The following SPATA17 variants were observed in gnomAD, a reference collection of about 807,000 sequenced individuals.
SPATA17 encodes the protein spermatogenesis associated 17, also known as spermatogenesis-associated protein 17.
In SPATA17, 53 loss-of-function variants were observed where a neutral mutation model predicts 62.2. The observed-to-expected ratio is 0.85, with a 90% CI of 0.68 to 1.07. SPATA17 has a LOEUF of 1.07. SPATA17 is among the 50% of genes least tolerant of loss of function. SPATA17 has a pLI of 0.00. For missense variants in SPATA17, 466 were observed against 425.5 expected (o/e 1.10, Z -0.84); for synonymous variants, 146 against 146.8 (o/e 0.99, Z 0.04).
Position 217,648,970 on chromosome 1 carries a change from A to G in SPATA17, c.157A>G (p.Arg53Gly), listed in dbSNP as rs1404330862. ...FRGCQVRAYIRHLNRIVTIIQ... is the reference protein window; with the variant it reads ...FRGCQVRAYIGHLNRIVTIIQ... Reference sequence around the variant, plus strand: ...AGGATGTCAAGTTCGGGCATATATCAGGTATATTGCTTTTGTCATGGAAAC... The same window carrying G: ...AGGATGTCAAGTTCGGGCATATATCGGGTATATTGCTTTTGTCATGGAAAC... The change falls in exon 2 of 11, where the codon AGG (arginine) becomes GGG (glycine). Residue 53 changes from arginine to glycine, a missense_variant and splice_region_variant. Physicochemically the swap from Arg to Gly is moderately radical, Grantham distance 125. Coordinates refer to ENST00000366933, the MANE Select transcript of SPATA17 (RefSeq NM_138796.4). 1.3e-5 allele frequency: 21 copies of G among 1,600,534 alleles called. No individual in the cohort carries two copies. The highest frequency in any genetic ancestry group is 1.4e-5 in the Non-Finnish European group (17 of 1,173,788).
intron 6 of SPATA17, among the ~76,000 whole-genome samples, chr1:217,758,244 G>A (rs903273266): frequency 1.3e-5 from 2 of 152,052 alleles, no homozygotes; most frequent in South Asian, 2.1e-4. Flanking sequence ...GACACAAAGA[G>A]ATTAATAAGT....
intron 1 of SPATA17, among the ~76,000 whole-genome samples, chr1:217,641,048 G>A (rs891267901): frequency 3.9e-5 from 6 of 152,002 alleles, no homozygotes; most frequent in Non-Finnish European, 7.4e-5. Context: ...TAGATAAATG[G>A]AGAAAGTTTG....
chr1:217,726,094 G>T (rs1271443721), intron 5 of SPATA17, among the ~76,000 whole-genome samples: 1 of 152,076 alleles, frequency 6.6e-6, no homozygotes, highest in Non-Finnish European at 1.5e-5. Flanking sequence ...AAAAATTCTT[G>T]TACTCTGCTA....
chr1:217,830,009 A>T (rs1487143690), intron 9 of SPATA17, among the ~76,000 whole-genome samples: 1 of 152,074 alleles, frequency 6.6e-6, no homozygotes, highest in Non-Finnish European at 1.5e-5. Flanking sequence ...ATCTATATGT[A>T]TCCCCTAAAC....
rs1644905436 is a variant in SPATA17 at position 217,709,781 on chromosome 1, T to A, written c.395+26420T>A. 2.6e-5 allele frequency among the ~76,000 whole-genome samples: 4 copies of A among 152,326 alleles called. No individual in the cohort carries two copies. The South Asian group carries it at 8.3e-4, about 32-fold the overall frequency. ...AAAAACCATGTTGATTTTCAGCATTTTGCCTAGGATAAAAGTTACTTTACC... is the reference window on the plus strand; with the variant it reads ...AAAAACCATGTTGATTTTCAGCATTATGCCTAGGATAAAAGTTACTTTACC... On this transcript the variant is annotated intron_variant, in intron 5 of 10. Coordinates refer to ENST00000366933, the MANE Select transcript of SPATA17 (RefSeq NM_138796.4).
chr1:217,795,984 G>T (rs756635451), intron 8 of SPATA17, among the ~76,000 whole-genome samples: 20 of 151,872 alleles, frequency 1.3e-4, no homozygotes, highest in Non-Finnish European at 2.6e-4. Flanking sequence ...TTTTTGTAGA[G>T]ATGGGGTTTC....
At chr1:217,637,772 G>A (rs547755321) in intron 1 of SPATA17, among the ~76,000 whole-genome samples, 3 of 152,034 alleles carry the variant, frequency 2.0e-5, no homozygotes, top group Non-Finnish European at 4.4e-5. Context: ...TTTCTTACAG[G>A]TGTACTCAAT....
At chr1:217,787,820 T>G (rs1231387588) in intron 8 of SPATA17, among the ~76,000 whole-genome samples, 1 of 152,182 alleles carries the variant, frequency 6.6e-6, no homozygotes, top group Non-Finnish European at 1.5e-5. Flanking sequence ...TGGTTACATG[T>G]GCAATTATAT....
chr1:217,694,992 A>T (rs1465370240), intron 5 of SPATA17, among the ~76,000 whole-genome samples: 1 of 129,146 alleles, frequency 7.7e-6, no homozygotes, highest in Non-Finnish European at 1.6e-5. Flanking sequence ...CTTCTCGAGG[A>T]GTATCTTTGT....
chr1:217,823,147 T>C (rs1297148956), intron 9 of SPATA17, among the ~76,000 whole-genome samples: 1 of 151,958 alleles, frequency 6.6e-6, no homozygotes, highest in Admixed American at 6.6e-5. Flanking sequence ...TGTTTGGTTC[T>C]GCTAAGTGCC....
At chr1:217,839,340 C>T (rs779876791) in intron 9 of SPATA17, among the ~76,000 whole-genome samples, 19 of 152,048 alleles carry the variant, frequency 1.2e-4, no homozygotes, top group Admixed American at 3.3e-4. Context: ...CAAATTGAAA[C>T]ACCAGGCTAA....
chr1:217,712,708 A>G (rs1402053532), intron 5 of SPATA17, among the ~76,000 whole-genome samples: 1 of 152,066 alleles, frequency 6.6e-6, no homozygotes, highest in Non-Finnish European at 1.5e-5. Flanking sequence ...ATACTATTTT[A>G]TTAATAAAAA....
chr1:217,661,005 ACT>A (rs1670556213), intron 3 of SPATA17, among the ~76,000 whole-genome samples: 1 of 152,134 alleles, frequency 6.6e-6, no homozygotes, highest in Admixed American at 6.5e-5. Flanking sequence ...GATGGTGCAA[ACT>A]CAGCAAAATC....
chr1:217,761,633 G>A (rs989489072), intron 6 of SPATA17, among the ~76,000 whole-genome samples: 5 of 152,146 alleles, frequency 3.3e-5, no homozygotes, highest in African/African-American at 1.2e-4. Context: ...GGGTGGACTA[G>A]GGGTAGGGGT....
intron 3 of SPATA17, among the ~76,000 whole-genome samples, chr1:217,659,099 G>A (rs988611905): frequency 1.3e-5 from 2 of 151,756 alleles, no homozygotes; most frequent in Non-Finnish European, 2.9e-5. Context: ...CATTTGTAGT[G>A]TTTGAATTTT....
At chr1:217,664,643 A>C (rs1454559780) in intron 3 of SPATA17, among the ~76,000 whole-genome samples, 1 of 152,072 alleles carries the variant, frequency 6.6e-6, no homozygotes, top group Non-Finnish European at 1.5e-5. Context: ...GGCAACAAGG[A>C]GAGATAGAGG....
At chr1:217,779,237 TA>T (rs953615871) in intron 7 of SPATA17, among the ~76,000 whole-genome samples, 2 of 151,178 alleles carry the variant, frequency 1.3e-5, no homozygotes, top group East Asian at 3.9e-4. Context: ...ATGGCAGAAT[TA>T]AAAAATATGT....
chr1:217,669,897 C>A (rs2102897305), intron 4 of SPATA17, among the ~76,000 whole-genome samples: 1 of 152,240 alleles, frequency 6.6e-6, no homozygotes, highest in East Asian at 1.9e-4. Context: ...GAAAGAGGCT[C>A]TTTCCTTTTC....
intron 9 of SPATA17, among the ~76,000 whole-genome samples, chr1:217,836,314 C>T (rs1675257738): frequency 6.6e-6 from 1 of 152,098 alleles, no homozygotes; most frequent in South Asian, 2.1e-4. Context: ...TTTCTTCCAT[C>T]TGAAGTTATG....
Sources: allele counts gnomAD v4.1 joint callset (sites outside exome capture counted in the v4.1 genomes callset), GRCh38; gene constraint gnomAD v4.1.1; transcripts MANE v1.5; gene names NCBI Gene and HGNC (gene_info 2026-07-23, HGNC 2026-07-21).